Variants in CCDC85A observed in about 807,000 individuals in gnomAD.
CCDC85A encodes coiled-coil domain containing 85A.
A neutral mutation model predicts 50.2 loss-of-function variants in CCDC85A; 38 were observed. The ratio of observed to expected loss-of-function variants is 0.76; its 90% confidence interval spans 0.58 to 0.99. The LOEUF (loss-of-function observed/expected upper bound fraction) is 0.99. Ranked by LOEUF, CCDC85A falls within the 50% of genes least tolerant of loss-of-function variation. The pLI, the probability that CCDC85A is intolerant of heterozygous loss-of-function variation, is 0.00. For missense variants in CCDC85A, 820 were observed against 742.0 expected (o/e 1.11, Z -1.22); for synonymous variants, 366 against 301.4 (o/e 1.21, Z -2.22).
At chr2:56,190,719 C>T (rs903388244) in intron 1 of CCDC85A, among the ~76,000 whole-genome samples, 1 of 152,100 alleles carries the variant, frequency 6.6e-6, no homozygotes, top group South Asian at 2.1e-4. Flanking sequence ...GTGTTCCCAC[C>T]TTCTCCACTG....
At chr2:56,310,662 T>C (rs1322098362) in intron 2 of CCDC85A, among the ~76,000 whole-genome samples, 7 of 152,038 alleles carry the variant, frequency 4.6e-5, no homozygotes, top group African/African-American at 1.7e-4. Context: ...AAAAGAAAAA[T>C]GGGATTTCTG....
At chr2:56,225,089 A>T (rs1351723707) in intron 2 of CCDC85A, among the ~76,000 whole-genome samples, 4 of 149,658 alleles carry the variant, frequency 2.7e-5, no homozygotes, top group African/African-American at 9.8e-5. Context: ...ATTTTTGTTC[A>T]TTTTTTTTTT....
chr2:56,261,480 A>G (rs1166440744), intron 2 of CCDC85A, among the ~76,000 whole-genome samples: 2 of 152,222 alleles, frequency 1.3e-5, no homozygotes, highest in African/African-American at 4.8e-5. Context: ...AATTCAGCAT[A>G]CATTGCACCC....
intron 2 of CCDC85A, among the ~76,000 whole-genome samples, chr2:56,254,649 G>C (rs1669905614): frequency 6.6e-6 from 1 of 152,148 alleles, no homozygotes; most frequent in Non-Finnish European, 1.5e-5. Flanking sequence ...GGCTAGAAGA[G>C]GAGATGGACA....
chr2:56,379,468 A>G (rs1676484824), intron 5 of CCDC85A, among the ~76,000 whole-genome samples: 1 of 152,204 alleles, frequency 6.6e-6, no homozygotes, highest in Admixed American at 6.5e-5. Flanking sequence ...TTAATGACCA[A>G]AGTAAATGCA....
At chr2:56,219,260 A>G (rs2103901250) in intron 2 of CCDC85A, among the ~76,000 whole-genome samples, 1 of 148,774 alleles carries the variant, frequency 6.7e-6, no homozygotes, top group Admixed American at 6.8e-5. Flanking sequence ...ATAATACAGT[A>G]TTTTCCTTCA....
At chr2:56,257,306 G>A (rs1446278380) in intron 2 of CCDC85A, among the ~76,000 whole-genome samples, 3 of 152,158 alleles carry the variant, frequency 2.0e-5, no homozygotes, top group African/African-American at 7.2e-5. Flanking sequence ...CCAACGTACT[G>A]TAGGAGTTCA....
chr2:56,202,735 G>A (rs1676795715), intron 2 of CCDC85A, among the ~76,000 whole-genome samples: 1 of 152,224 alleles, frequency 6.6e-6, no homozygotes, highest in African/African-American at 2.4e-5. Context: ...CAGAATACCT[G>A]AGTTGCAGAT....
At chr2:56,231,874 A>G (rs1431808419) in intron 2 of CCDC85A, among the ~76,000 whole-genome samples, 2 of 152,036 alleles carry the variant, frequency 1.3e-5, no homozygotes, top group Non-Finnish European at 2.9e-5. Flanking sequence ...CAGCTCCATG[A>G]TGATCCAGAG....
rs1676792494 is a variant in CCDC85A, at chr2:56,385,696, C to G, written c.*1341C>G. The G allele has an allele frequency of 6.6e-6, 1 of 151,852 alleles. No individual in the cohort carries two copies. Among genetic ancestry groups the G allele is most frequent in the Admixed American group, 6.6e-5 (1 of 15,168 alleles). The allele number at this position is 151,852 out of a possible 1,614,324, so 9.4% of individuals were successfully genotyped here. ...GTTGTTGTTTTAGATGGGCTCATTA[C>G]ATAACGAGTTAATTGTCACTAGTAG... On this transcript the variant is annotated 3_prime_UTR_variant, in exon 6 of 6. Transcript: ENST00000407595.
chr2:56,222,738 A>C (rs1668379847), intron 2 of CCDC85A, among the ~76,000 whole-genome samples: 1 of 152,166 alleles, frequency 6.6e-6, no homozygotes, highest in South Asian at 2.1e-4. Flanking sequence ...TGTGACTGGG[A>C]AGTAAAGAGA....
At chr2:56,343,067 T>G in intron 3 of CCDC85A, 112 bp downstream of exon 3, 1 of 701,906 alleles carries the variant, frequency 1.4e-6, no homozygotes, top group East Asian at 3.0e-5. Flanking sequence ...GAAATCATTT[T>G]GTAAATAGCC....
At chr2:56,353,026 A>T (rs1313248320) in intron 3 of CCDC85A, among the ~76,000 whole-genome samples, 5 of 152,158 alleles carry the variant, frequency 3.3e-5, no homozygotes, top group Non-Finnish European at 4.4e-5. Context: ...TTTTATTTTG[A>T]TACTCAGATT....
At chr2:56,223,661 T>C (rs1428810044) in intron 2 of CCDC85A, among the ~76,000 whole-genome samples, 1 of 152,184 alleles carries the variant, frequency 6.6e-6, no homozygotes, top group Admixed American at 6.5e-5. Flanking sequence ...ATGCTTAGCC[T>C]GTAGCCTAAA....
intron 2 of CCDC85A, among the ~76,000 whole-genome samples, chr2:56,294,908 G>A (rs1671879756): frequency 6.6e-6 from 1 of 152,196 alleles, no homozygotes; most frequent in Non-Finnish European, 1.5e-5. Context: ...CCCAGGATGG[G>A]TTGGTGGTAT....
At chr2:56,299,790 T>G (rs530423170) in intron 2 of CCDC85A, among the ~76,000 whole-genome samples, 1 of 152,286 alleles carries the variant, frequency 6.6e-6, no homozygotes, top group African/African-American at 2.4e-5. Flanking sequence ...TTACCCATGA[T>G]TCCCTGCCAC....
chr2:56,225,433 A>C (rs1412154633), intron 2 of CCDC85A, among the ~76,000 whole-genome samples: 2 of 152,288 alleles, frequency 1.3e-5, no homozygotes, highest in Non-Finnish European at 2.9e-5. Context: ...CTCAAAAAAA[A>C]AATTATTAAC....
intron 2 of CCDC85A, among the ~76,000 whole-genome samples, chr2:56,256,045 G>A (rs948200893): frequency 1.8e-4 from 27 of 152,264 alleles, no homozygotes; most frequent in Middle Eastern, 3.4e-3. Context: ...AAGATCCTTA[G>A]AAGTTAACTG....
intron 2 of CCDC85A, among the ~76,000 whole-genome samples, chr2:56,264,200 A>C (rs1243021057): frequency 6.6e-6 from 1 of 152,012 alleles, no homozygotes; most frequent in Admixed American, 6.5e-5. Flanking sequence ...CCACTCTTAA[A>C]TTTTATCTCC....
Sources: allele counts gnomAD v4.1 joint callset (sites outside exome capture counted in the v4.1 genomes callset), GRCh38; gene constraint gnomAD v4.1.1; transcripts MANE v1.5; gene names NCBI Gene and HGNC (gene_info 2026-07-23, HGNC 2026-07-21).